The following NEXN variants were observed in gnomAD, a reference collection of about 807,000 sequenced individuals.
NEXN encodes the protein nexilin F-actin binding protein, also known as nexilin.
A neutral mutation model predicts 92.6 loss-of-function variants in NEXN; 65 were observed. The observed-to-expected ratio is 0.70, with a 90% CI of 0.57 to 0.86. NEXN has a LOEUF of 0.86. Ranked by LOEUF, NEXN falls within the 40% of genes least tolerant of loss-of-function variation. NEXN has a pLI of 0.00. For synonymous variants in NEXN, 254 were observed against 242.5 expected, an observed-to-expected ratio of 1.05 and a Z score of -0.44; for missense variants, 778 against 771.1, an observed-to-expected ratio of 1.01 and a Z score of -0.11.
chr1:77,941,817 T>C (rs571150049), intron 11 of NEXN: 3 of 557,956 alleles, frequency 5.4e-6, no homozygotes, highest in Admixed American at 6.1e-5. Context: ...GGAGAAAAAG[T>C]CTATAACTAA....
chr1:77,894,815 T>C (rs796174468), intron 1 of NEXN, among the ~76,000 whole-genome samples: 20 of 151,614 alleles, frequency 1.3e-4, no homozygotes, highest in African/African-American at 4.8e-4. Flanking sequence ...TCCCGGGTTC[T>C]AGCAATTCTC....
chr1:77,941,922 A>C, intron 11 of NEXN, 101 bp from the exon 12 acceptor site: 1 of 1,184,242 alleles, frequency 8.4e-7, no homozygotes, highest in Non-Finnish European at 1.2e-6. Flanking sequence ...TGCATTATAA[A>C]CATGTTAATC....
chr1:77,925,321 T>C (rs1250132733), intron 6 of NEXN, 92 bp downstream of exon 6: 19 of 846,990 alleles, frequency 2.2e-5, no homozygotes, highest in Non-Finnish European at 3.4e-5. Context: ...AAAGAGCTTT[T>C]ATTATTTTTA....
chr1:77,910,885 TG>T (rs779445614), intron 1 of NEXN, among the ~76,000 whole-genome samples: 5 of 152,104 alleles, frequency 3.3e-5, no homozygotes, highest in Non-Finnish European at 7.4e-5. Context: ...TCACCCAGGC[TG>T]GAGTATGGTG....
At chr1:77,913,383 C>T (rs1648733410) in intron 1 of NEXN, among the ~76,000 whole-genome samples, 7 of 151,150 alleles carry the variant, frequency 4.6e-5, no homozygotes, top group Admixed American at 4.6e-4. Flanking sequence ...CCACTGCTCT[C>T]TAGCCTGGGT....
intron 10 of NEXN, among the ~76,000 whole-genome samples, chr1:77,933,892 G>A (rs894557683): frequency 3.9e-5 from 6 of 152,050 alleles, no homozygotes; most frequent in African/African-American, 1.4e-4. Context: ...AATCCTTTTT[G>A]TGGTGTGAAC....
At position 77,942,676 on chromosome 1, in the gene NEXN, A is replaced by G; in HGVS notation, c.1875A>G (p.Gly625=). The change falls in exon 13 of 13, where the codon GGA becomes GGG. Residue 625 remains glycine, a synonymous_variant. Transcript: ENST00000334785. ...TTGAAGGAGAAATACTGCAGGATGG[A>G]GAAGACTATCAATATATTGAAAGGG... ...WWFEGEILQD[G]EDYQYIERGE... 6.2e-7 allele frequency: 1 copy of G among 1,613,778 alleles called. No individual in the cohort carries two copies. The highest frequency in any genetic ancestry group is 8.5e-7 in the Non-Finnish European group (1 of 1,179,734).
chr1:77,935,837 TG>T lies in NEXN; in HGVS notation c.1267del (p.Glu423LysfsTer5). 1.2e-6 allele frequency: 2 copies of T among 1,612,078 alleles called. No homozygotes were observed. The highest frequency in any genetic ancestry group is 1.7e-6 in the Non-Finnish European group (2 of 1,179,652). On this transcript the variant is annotated frameshift_variant, in exon 11 of 13. Transcript: ENST00000334785. LOFTEE classifies it high-confidence loss of function. ...TTTTTTTGAAGGAAGAGGAAGAAAATGAAACCTTTGGATTGAGCAGAGAATA... is the reference window on the plus strand; with the variant it reads ...TTTTTTTGAAGGAAGAGGAAGAAAATAAACCTTTGGATTGAGCAGAGAATA... ...QEMGEEEEEN[E>X]TFGLSREYEE... is the part of the protein sequence containing the mutation.
chr1:77,932,080 A>C (rs984016557), intron 9 of NEXN: 1 of 151,846 alleles, frequency 6.6e-6, no homozygotes, highest in African/African-American at 2.4e-5. Context: ...GGCGCCCACC[A>C]CCACACCTGG....
intron 9 of NEXN, among the ~76,000 whole-genome samples, chr1:77,932,254 T>C (rs1479756981): frequency 6.6e-6 from 1 of 152,176 alleles, no homozygotes; most frequent in Non-Finnish European, 1.5e-5. Flanking sequence ...ATTTTGAAGT[T>C]TGAATCCCAG....
At chr1:77,891,739 A>G (rs867577316) in intron 1 of NEXN, among the ~76,000 whole-genome samples, 1 of 37,662 alleles carries the variant, frequency 2.7e-5, no homozygotes, top group Non-Finnish European at 6.3e-5. Context: ...CCAAGTGTGG[A>G]AAAAAAGTAA....
chr1:77,918,345 CCTA>C, intron 5 of NEXN, 72 bp downstream of exon 5: 1 of 1,471,172 alleles, frequency 6.8e-7, no homozygotes, highest in Non-Finnish European at 9.5e-7. Context: ...CAGTATGTTG[CCTA>C]ATTAAAATAT....
intron 1 of NEXN, among the ~76,000 whole-genome samples, chr1:77,912,506 G>C (rs1280522156): frequency 3.3e-5 from 5 of 152,152 alleles, no homozygotes; most frequent in African/African-American, 1.2e-4. Context: ...TGTTGAAGGA[G>C]AAGAACAAAG....
intron 1 of NEXN, among the ~76,000 whole-genome samples, chr1:77,893,662 C>A (rs1647156910): frequency 6.6e-6 from 1 of 152,038 alleles, no homozygotes; most frequent in Non-Finnish European, 1.5e-5. Context: ...GTGCGAAACA[C>A]TAAAACTATA....
chr1:77,939,782 C>T (rs1303134760), intron 11 of NEXN, among the ~76,000 whole-genome samples: 1 of 152,150 alleles, frequency 6.6e-6, no homozygotes, highest in African/African-American at 2.4e-5. Context: ...TATTTAAAAA[C>T]TTGTTAGCGG....
chr1:77,922,683 C>T (rs1571124962), intron 5 of NEXN, among the ~76,000 whole-genome samples: 1 of 151,486 alleles, frequency 6.6e-6, no homozygotes, highest in African/African-American at 2.4e-5. Flanking sequence ...CTGCAAGCTG[C>T]GCCTCCTGGG....
In NEXN at chr1:77,928,325, A is replaced by G. The variant is rs563324450; in HGVS notation, c.865-991A>G. ...GACCCTGTCTCAAAAAAAAAAAAAAAGGATCTAAAAATGGAATATTTGTAA... is the reference window on the plus strand; with the variant it reads ...GACCCTGTCTCAAAAAAAAAAAAAAGGGATCTAAAAATGGAATATTTGTAA... On this transcript the variant is annotated intron_variant, in intron 8 of 12. Coordinates refer to ENST00000334785, the MANE Select transcript of NEXN (RefSeq NM_144573.4). Among the ~76,000 whole-genome samples, 52 of 151,666 alleles carry G rather than the reference A, an allele frequency of 3.4e-4. 1 individual carries two copies. In the South Asian group the frequency reaches 0.01, roughly 30 times the overall value.
chr1:77,907,933 C>A (rs1648247094), intron 1 of NEXN, among the ~76,000 whole-genome samples: 1 of 152,068 alleles, frequency 6.6e-6, no homozygotes, highest in Admixed American at 6.5e-5. Context: ...TTCCTCATAC[C>A]CTTTAGTATT....
At chr1:77,893,375 C>A (rs1647151745) in intron 1 of NEXN, among the ~76,000 whole-genome samples, 2 of 152,088 alleles carry the variant, frequency 1.3e-5, no homozygotes, top group African/African-American at 2.4e-5. Flanking sequence ...GGTGAGGAGG[C>A]CCAGACTCCA....
Sources: gnomAD v4.1 joint callset for allele counts (sites outside exome capture counted in the v4.1 genomes callset) on GRCh38, gnomAD v4.1.1 for gene constraint, MANE v1.5 for transcripts, NCBI Gene and HGNC (gene_info 2026-07-23, HGNC 2026-07-21) for gene names.